Variants in PROS1 observed in about 807,000 individuals in gnomAD.
The protein encoded by PROS1 is protein S, also known as vitamin K-dependent protein S.
PROS1 carries 29 observed loss-of-function variants against 75.9 expected under a neutral mutation model. That is an observed-to-expected ratio of 0.38 (90% CI 0.28 to 0.52). PROS1 has a LOEUF of 0.52. Ranked by LOEUF, PROS1 falls within the 20% of genes least tolerant of loss-of-function variation. PROS1 has a pLI of 0.83. For missense variants in PROS1, 680 were observed against 810.3 expected (o/e 0.84, Z 1.95); for synonymous variants, 245 against 280.6 (o/e 0.87, Z 1.27).
chr3:93,947,169 C>T (rs1200969486), intron 1 of PROS1, among the ~76,000 whole-genome samples: 5 of 152,262 alleles, frequency 3.3e-5, no homozygotes, highest in African/African-American at 1.2e-4. Flanking sequence ...CAGGAAACAA[C>T]AGTGCTGGAG....
intron 4 of PROS1, among the ~76,000 whole-genome samples, chr3:93,907,546 A>G (rs1708694833): frequency 6.6e-6 from 1 of 152,136 alleles, no homozygotes; most frequent in Non-Finnish European, 1.5e-5. Flanking sequence ...CAACCTGCCT[A>G]CAGAGATGAG....
intron 1 of PROS1, among the ~76,000 whole-genome samples, chr3:93,941,668 C>T (rs936399577): frequency 3.3e-5 from 5 of 152,194 alleles, no homozygotes; most frequent in African/African-American, 7.2e-5. Flanking sequence ...AAGTGCAGGG[C>T]TGTGCAGTTG....
intron 1 of PROS1, 60 bp from the exon 2 acceptor site, chr3:93,927,467 T>C: frequency 6.6e-7 from 1 of 1,504,744 alleles, no homozygotes; most frequent in Non-Finnish European, 9.1e-7. Context: ...TATATTGTTT[T>C]ATTAAACAAT....
At position 93,910,708 on chromosome 3, in the gene PROS1, G is replaced by A; in HGVS notation, c.260-3C>T. On this transcript the variant is annotated splice_region_variant and splice_polypyrimidine_tract_variant and intron_variant, in intron 3 of 14. Transcript: ENST00000394236. ...AGTTTGAAAAGAGCGAAGACAAACT[G>A]AAAATAAAAACAAACATAATCTTCT... The A allele has an allele frequency of 6.2e-7, 1 of 1,608,548 alleles. No homozygotes were observed. The highest frequency in any genetic ancestry group is 8.5e-7 in the Non-Finnish European group (1 of 1,176,030).
chr3:93,878,550 A>T (rs1708225860), intron 13 of PROS1, among the ~76,000 whole-genome samples: 1 of 152,208 alleles, frequency 6.6e-6, no homozygotes, highest in African/African-American at 2.4e-5. Context: ...ACTATGCTCT[A>T]ATAGAAGTCT....
At chr3:93,907,721 CCCCAAAGAT>C in intron 4 of PROS1, among the ~76,000 whole-genome samples, 1 of 152,200 alleles carries the variant, frequency 6.6e-6, no homozygotes, top group South Asian at 2.1e-4. Flanking sequence ...AAAAGCAACA[CCCCAAAGAT>C]CCCATAACAC....
intron 3 of PROS1, among the ~76,000 whole-genome samples, chr3:93,918,910 G>GT (rs879846885): frequency 3.3e-5 from 5 of 151,772 alleles, no homozygotes; most frequent in South Asian, 4.2e-4. Flanking sequence ...TCATTTCCAT[G>GT]TTTTTTTTCA....
intron 3 of PROS1, among the ~76,000 whole-genome samples, chr3:93,913,426 C>A (rs1378880891): frequency 1.3e-5 from 2 of 152,202 alleles, no homozygotes; most frequent in Non-Finnish European, 2.9e-5. Context: ...AGCTCTCTTG[C>A]CTGCCACCAG....
chr3:93,913,891 C>T (rs779760101), intron 3 of PROS1, among the ~76,000 whole-genome samples: 36 of 152,294 alleles, frequency 2.4e-4, no homozygotes, highest in Middle Eastern at 3.4e-3. Flanking sequence ...GCATGATAGA[C>T]GTTTCCATTA....
At chr3:93,931,008 T>C (rs1314320244) in intron 1 of PROS1, among the ~76,000 whole-genome samples, 1 of 152,228 alleles carries the variant, frequency 6.6e-6, no homozygotes, top group African/African-American at 2.4e-5. Context: ...AAATTTTGTC[T>C]AAATATATTT....
At chr3:93,960,451 C>T (rs1709688359) in intron 1 of PROS1, among the ~76,000 whole-genome samples, 1 of 150,256 alleles carries the variant, frequency 6.7e-6, no homozygotes, top group African/African-American at 2.5e-5. Context: ...GCTGGGATTA[C>T]AGCCGTGAGC....
At chr3:93,889,684 AT>A (rs1708402234) in intron 10 of PROS1, among the ~76,000 whole-genome samples, 1 of 152,168 alleles carries the variant, frequency 6.6e-6, no homozygotes, top group Non-Finnish European at 1.5e-5. Context: ...AATTGTGAAG[AT>A]TTCATGGACA....
intron 1 of PROS1, among the ~76,000 whole-genome samples, chr3:93,964,945 G>C (rs1359894863): frequency 6.6e-6 from 1 of 152,160 alleles, no homozygotes; most frequent in Non-Finnish European, 1.5e-5. Context: ...GAATCCCTAA[G>C]CCTAGCTGGG....
At chr3:93,898,044 G>C (rs1708529588) in intron 8 of PROS1, among the ~76,000 whole-genome samples, 1 of 152,050 alleles carries the variant, frequency 6.6e-6, no homozygotes, top group African/African-American at 2.4e-5. Flanking sequence ...CCTAAGGCAT[G>C]ATCAAACTAG....
chr3:93,914,859 T>A (rs1559937725), intron 3 of PROS1, among the ~76,000 whole-genome samples: 1 of 152,170 alleles, frequency 6.6e-6, no homozygotes, highest in Admixed American at 6.5e-5. Flanking sequence ...CAAAGTCCAT[T>A]GTATTATTCT....
At chr3:93,938,855 C>T (rs1709232196) in intron 1 of PROS1, among the ~76,000 whole-genome samples, 1 of 152,110 alleles carries the variant, frequency 6.6e-6, no homozygotes, top group Non-Finnish European at 1.5e-5. Context: ...ATGGGGATGC[C>T]TGCCTTCATT....
At chr3:93,911,860 G>T (rs1220428476) in intron 3 of PROS1, among the ~76,000 whole-genome samples, 1 of 152,164 alleles carries the variant, frequency 6.6e-6, no homozygotes, top group Non-Finnish European at 1.5e-5. Context: ...CAAAGGGTAG[G>T]GTGTGGGTGG....
intron 10 of PROS1, among the ~76,000 whole-genome samples, chr3:93,890,267 C>G (rs1340462002): frequency 6.6e-6 from 1 of 152,168 alleles, no homozygotes; most frequent in Non-Finnish European, 1.5e-5. Context: ...AGATGTTTAT[C>G]AAGACAATAC....
intron 1 of PROS1, among the ~76,000 whole-genome samples, chr3:93,941,108 C>T (rs985504527): frequency 8.5e-5 from 13 of 152,142 alleles, no homozygotes; most frequent in African/African-American, 2.2e-4. Context: ...CTGGGCTGTA[C>T]TGCTGCAAGG....
Sources: allele counts gnomAD v4.1 joint callset (sites outside exome capture counted in the v4.1 genomes callset), GRCh38; gene constraint gnomAD v4.1.1; transcripts MANE v1.5; gene names NCBI Gene and HGNC (gene_info 2026-07-23, HGNC 2026-07-21).